The following FANCD2OS variants were observed in gnomAD, a reference collection of about 807,000 sequenced individuals.
FANCD2OS encodes FANCD2 opposite strand protein.
FANCD2OS carries 11 observed loss-of-function variants against 13.2 expected under a neutral mutation model. That is an observed-to-expected ratio of 0.83 (90% CI 0.52 to 1.38). FANCD2OS has a LOEUF of 1.38. Ranked by LOEUF, FANCD2OS falls within the 40% of genes most tolerant of loss-of-function variation. The pLI is 0.00. For synonymous variants in FANCD2OS, 69 were observed against 84.5 expected (o/e 0.82, Z 1.01); for missense variants, 217 against 213.9 (o/e 1.01, Z -0.09).
chr3:10,095,425 T>G lies in FANCD2OS; in HGVS notation c.*43+8773A>C, dbSNP rs1575866143. On this transcript the variant is annotated intron_variant, in intron 2 of 2. Coordinates refer to the FANCD2OS transcript ENST00000524279. ...TTATTCAGAGCAAATCCTTAGTTGCTCCTTGAGATTGGGCAGTCCTCTAGA... is the reference window on the plus strand; with the variant it reads ...TTATTCAGAGCAAATCCTTAGTTGCGCCTTGAGATTGGGCAGTCCTCTAGA... 12 of 699,546 alleles carry G rather than the reference T, an allele frequency of 1.7e-5. No homozygotes were observed. In the East Asian group the frequency reaches 2.7e-4, roughly 16 times the overall value. The allele number at this position is 699,546 out of a possible 1,614,324, so 43.3% of individuals were successfully genotyped here.
At chr3:10,103,719 A>G (rs555305846), downstream of FANCD2OS, among the ~76,000 whole-genome samples, 3 of 152,310 alleles carry the variant, frequency 2.0e-5, no homozygotes, top group South Asian at 6.2e-4. Flanking sequence ...GTATTGTTTA[A>G]TATCAGTATT....
At chr3:10,089,534 A>G (rs1443243872) in intron 2 of FANCD2OS, among the ~76,000 whole-genome samples, 1 of 151,964 alleles carries the variant, frequency 6.6e-6, no homozygotes, top group Non-Finnish European at 1.5e-5. Flanking sequence ...CAGTGGCGTA[A>G]TCTCAGCTCA....
intron 2 of FANCD2OS, among the ~76,000 whole-genome samples, chr3:10,095,561 C>G (rs1170170619): frequency 2.0e-5 from 3 of 152,192 alleles, no homozygotes; most frequent in African/African-American, 7.2e-5. Context: ...CTGCAAAGTC[C>G]TCTAGGTAAC....
chr3:10,084,740 G>A (rs895467116), intron 2 of FANCD2OS, among the ~76,000 whole-genome samples: 1 of 152,226 alleles, frequency 6.6e-6, no homozygotes, highest in South Asian at 2.1e-4. Context: ...CTGGTGATCA[G>A]GAAGATGCTT....
Position 10,104,532 on chromosome 3 carries a change from C to T in FANCD2OS, c.243G>A (p.Thr81=), listed in dbSNP as rs143493769. 1.4e-5 allele frequency: 22 copies of T among 1,614,152 alleles called. No homozygotes were observed. Among genetic ancestry groups the T allele is most frequent in the East Asian group, 4.5e-5 (2 of 44,888 alleles). Residue 81 remains threonine, a synonymous_variant, in exon 2 of 2, where the codon ACG becomes ACA. Coordinates refer to ENST00000450660, the MANE Select transcript of FANCD2OS (RefSeq NM_001164839.2). ...TCCTGACCAGTCCTTTGTTGTTCAT[C>T]GTGCGCAACTCTGATGTGTGGCAGG... The part of the protein sequence containing the change: ...KLPCHTSELR[T]MNNKGLVRKP...
At chr3:10,092,282 A>C (rs1694663495) in intron 2 of FANCD2OS, 64 of 1,522,474 alleles carry the variant, frequency 4.2e-5, no homozygotes, top group Non-Finnish European at 5.4e-5. Context: ...GACACATCTC[A>C]CCAAATAACT....
chr3:10,098,838 A>C (rs1184341868), downstream of FANCD2OS: 1 of 1,614,162 alleles, frequency 6.2e-7, no homozygotes, highest in South Asian at 1.1e-5. Context: ...AACCCACCAG[A>C]GTCTGGCACT....
In FANCD2OS at chr3:10,104,621, A is replaced by G. The variant is rs371552916; in HGVS notation, c.154T>C (p.Phe52Leu). Residue 52 changes from phenylalanine (F) to leucine (L), a missense_variant, in exon 2 of 2, where the codon TTT becomes CTT. Coordinates refer to ENST00000450660, the MANE Select transcript of FANCD2OS (RefSeq NM_001164839.2). ...TCTAGGACTAGAGTGACCTCTTGAAAGCACAGCTGCACTTCAAGGTCGGAC... is the reference window on the plus strand; with the variant it reads ...TCTAGGACTAGAGTGACCTCTTGAAGGCACAGCTGCACTTCAAGGTCGGAC... ...TPSDLEVQLCFQEVTLVLDSP... is the reference protein window; with the variant it reads ...TPSDLEVQLCLQEVTLVLDSP... 60 of 1,614,064 alleles carry G rather than the reference A, an allele frequency of 3.7e-5. No homozygotes were observed. The highest frequency in any genetic ancestry group is 4.2e-5 in the Non-Finnish European group (50 of 1,180,040).
chr3:10,084,628 G>T (rs13319597), intron 2 of FANCD2OS, among the ~76,000 whole-genome samples: 34,399 of 152,066 alleles, frequency 0.23, 5,032 homozygotes, highest in African/African-American at 0.42. Context: ...TACATGAAGT[G>T]TATTGTACAT....
chr3:10,103,791 T>G (rs931360827), downstream of FANCD2OS: 1 of 159,392 alleles, frequency 6.3e-6, no homozygotes, highest in Non-Finnish European at 1.4e-5. Context: ...TTTTTTCTTA[T>G]TTTCATTGTT....
chr3:10,088,506 G>A lies in FANCD2OS; in HGVS notation c.*44-6975C>T, dbSNP rs151316403. The A allele has an allele frequency of 6.8e-6, 11 of 1,610,690 alleles. No individual in the cohort carries two copies. Among genetic ancestry groups the A allele is most frequent in the South Asian group, 1.1e-5 (1 of 90,998 alleles). On this transcript the variant is annotated intron_variant, in intron 2 of 2. Transcript: ENST00000524279. ...TGGCCAAGTGGGGATAAAGAGAAGAGCAACATCTCTAATGACCAGCTCCAT... is the reference window on the plus strand; with the variant it reads ...TGGCCAAGTGGGGATAAAGAGAAGAACAACATCTCTAATGACCAGCTCCAT...
intron 2 of FANCD2OS, chr3:10,085,862 A>G (rs765672800): frequency 3.1e-6 from 5 of 1,613,942 alleles, no homozygotes; most frequent in South Asian, 2.2e-5. Context: ...TCAGCCCTCC[A>G]TGTCCTTAGT....
At chr3:10,083,013 G>GC (rs748325682) in intron 2 of FANCD2OS, among the ~76,000 whole-genome samples, 2 of 152,160 alleles carry the variant, frequency 1.3e-5, no homozygotes, top group Admixed American at 6.5e-5. Flanking sequence ...GATCACTTGA[G>GC]CTCAGGAGTT....
At chr3:10,097,195 C>T (rs556920708) in intron 2 of FANCD2OS, among the ~76,000 whole-genome samples, 7 of 152,136 alleles carry the variant, frequency 4.6e-5, no homozygotes, top group East Asian at 1.9e-4. Flanking sequence ...ACCGCAGGAC[C>T]GAGGCGAAAT....
intron 2 of FANCD2OS, among the ~76,000 whole-genome samples, chr3:10,084,047 G>A (rs1694019275): frequency 6.6e-6 from 1 of 151,714 alleles, no homozygotes; most frequent in Non-Finnish European, 1.5e-5. Context: ...AGGCTGGAGT[G>A]CAGTGGCGCG....
chr3:10,101,101 C>A, downstream of FANCD2OS: 8 of 980,898 alleles, frequency 8.2e-6, no homozygotes, highest in Non-Finnish European at 1.1e-5. Context: ...GATAATAGTA[C>A]AGTTGTGTAT....
chr3:10,101,402 T>TAA (rs138111025), downstream of FANCD2OS: 2 of 541,690 alleles, frequency 3.7e-6, no homozygotes, highest in South Asian at 2.0e-5. Context: ...TTTTTTTTTT[T>TAA]AAAGACGGGG....
chr3:10,091,092 T>G (rs1324108933), intron 2 of FANCD2OS, among the ~76,000 whole-genome samples: 3 of 151,426 alleles, frequency 2.0e-5, no homozygotes, highest in African/African-American at 4.8e-5. Context: ...CTTTTTTTTT[T>G]CTTTTTGAGA....
At chr3:10,088,995 T>C (rs766779543) in intron 2 of FANCD2OS, 1 of 1,610,430 alleles carries the variant, frequency 6.2e-7, no homozygotes, top group Non-Finnish European at 8.5e-7. Context: ...GATAGAATCA[T>C]CATCAGGCTG....
Sources: gnomAD v4.1 joint callset for allele counts (sites outside exome capture counted in the v4.1 genomes callset) on GRCh38, gnomAD v4.1.1 for gene constraint, MANE v1.5 for transcripts, NCBI Gene and HGNC (gene_info 2026-07-23, HGNC 2026-07-21) for gene names.